IGF1R: variants seen among roughly 807,000 people sequenced by gnomAD.
IGF1R encodes the protein insulin-like growth factor 1 receptor.
IGF1R carries 44 observed loss-of-function variants against 144.6 expected under a neutral mutation model. The ratio of observed to expected loss-of-function variants is 0.30; its 90% CI spans 0.24 to 0.39. The LOEUF (loss-of-function observed/expected upper bound fraction) is 0.39, where lower values mean the gene tolerates loss of function less well. Among genes scored for constraint, IGF1R ranks in the 10% least tolerant of loss-of-function variants. The pLI is 1.00. For missense variants in IGF1R, 1,355 were observed against 1,833.7 expected (o/e 0.74, Z 4.77); for synonymous variants, 795 against 722.8 (o/e 1.10, Z -1.60).
At chr15:98,705,208 G>A (rs577684252) in intron 1 of IGF1R, among the ~76,000 whole-genome samples, 2 of 152,336 alleles carry the variant, frequency 1.3e-5, no homozygotes, top group African/African-American at 2.4e-5. Flanking sequence ...GCAGAGCAGT[G>A]TGGAATCAGG....
intron 2 of IGF1R, among the ~76,000 whole-genome samples, chr15:98,768,715 C>T (rs60284621): frequency 0.015 from 2,077 of 140,250 alleles, 52 homozygotes; most frequent in African/African-American, 0.053. Context: ...GTCAGGAGTT[C>T]GAGACCATCC....
chr15:98,769,476 CCA>C (rs1195810359), intron 2 of IGF1R, among the ~76,000 whole-genome samples: 1 of 152,188 alleles, frequency 6.6e-6, no homozygotes, highest in Non-Finnish European at 1.5e-5. Context: ...AGGCCTCAGT[CCA>C]ACAACAGTGC....
chr15:98,801,743 A>G (rs755888393), intron 2 of IGF1R, among the ~76,000 whole-genome samples: 19 of 152,032 alleles, frequency 1.2e-4, no homozygotes, highest in Non-Finnish European at 2.2e-4. Flanking sequence ...GAGGTTAAGA[A>G]CTCCCTCTTC....
At chr15:98,726,944 C>T (rs551460305) in intron 2 of IGF1R, among the ~76,000 whole-genome samples, 188 of 152,184 alleles carry the variant, frequency 1.2e-3, no homozygotes, top group African/African-American at 3.8e-3. Flanking sequence ...AGGTCTCGAA[C>T]TCCTGACCTC....
rs563563267 is a variant in IGF1R at position 98,656,710 on chromosome 15, C to A, written c.94+7035C>A. Among the ~76,000 whole-genome samples the A allele has an allele frequency of 2.6e-5, 4 of 152,184 alleles. No individual in the cohort carries two copies. In the East Asian group the frequency reaches 7.7e-4, roughly 29 times the overall value. On this transcript the variant is annotated intron_variant, in intron 1 of 20. Transcript: ENST00000650285. ...TTTGAAACTTTGTTTTATCTCACTC[C>A]TCAGTCTTAGCCCCCTTAATACCAT... is the stretch of plus-strand genomic sequence containing the variant.
At chr15:98,655,738 T>G (rs79452270) in intron 1 of IGF1R, among the ~76,000 whole-genome samples, 1 of 151,986 alleles carries the variant, frequency 6.6e-6, no homozygotes, top group Non-Finnish European at 1.5e-5. Flanking sequence ...TTTTTTTTTT[T>G]TGAGACAGGG....
At chr15:98,784,791 A>G (rs1180913504) in intron 2 of IGF1R, among the ~76,000 whole-genome samples, 1 of 152,200 alleles carries the variant, frequency 6.6e-6, no homozygotes, top group Non-Finnish European at 1.5e-5. Context: ...CAGCATTTGT[A>G]TTGGGTATTG....
rs547899057 is a variant in IGF1R at position 98,710,725 on chromosome 15, G to A, written c.640+2618G>A. On this transcript the variant is annotated intron_variant, in intron 2 of 20. Coordinates refer to ENST00000650285, the MANE Select transcript of IGF1R (RefSeq NM_000875.5). ...CTCATCACCCAGGCTGGAGTGCAGCGGCGCGATCTCGGCTCACTGCAACCT... is the reference window on the plus strand; with the variant it reads ...CTCATCACCCAGGCTGGAGTGCAGCAGCGCGATCTCGGCTCACTGCAACCT... 8.0e-5 allele frequency among the ~76,000 whole-genome samples: 12 copies of A among 149,572 alleles called. 1 individual carries two copies. Among genetic ancestry groups the A allele is most frequent in the African/African-American group, 1.2e-4 (5 of 40,462 alleles).
intron 2 of IGF1R, among the ~76,000 whole-genome samples, chr15:98,837,955 C>T (rs1262636878): frequency 1.3e-5 from 2 of 152,166 alleles, no homozygotes; most frequent in Non-Finnish European, 2.9e-5. Context: ...ATGCCTTGAC[C>T]ACAGTTGTGA....
At chr15:98,924,093 C>A in intron 12 of IGF1R, 81 bp downstream of exon 12, 1 of 1,348,956 alleles carries the variant, frequency 7.4e-7, no homozygotes, top group Non-Finnish European at 1.1e-6. Flanking sequence ...CAGGTTACCT[C>A]CTGGTTAGCA....
At chr15:98,685,781 C>A (rs964048294) in intron 1 of IGF1R, among the ~76,000 whole-genome samples, 1 of 152,212 alleles carries the variant, frequency 6.6e-6, no homozygotes, top group Admixed American at 6.5e-5. Flanking sequence ...ACCACTCCAC[C>A]GCAGGTAGCC....
At position 98,707,216 on chromosome 15, in the gene IGF1R, G is replaced by A. The variant is rs2053886936; in HGVS notation, c.95-346G>A. On this transcript the variant is annotated intron_variant, in intron 1 of 20. Coordinates refer to ENST00000650285, the MANE Select transcript of IGF1R (RefSeq NM_000875.5). The surrounding 1 kb of genome is among the most constrained non-coding windows in gnomAD (Gnocchi z 6.7). Reference sequence around the variant, plus strand: ...CAGAACGGACCAGGAGTGTGCGGTGGTGGAGTCCGGCTGGCCTGGGTTGCA... The same window carrying A: ...CAGAACGGACCAGGAGTGTGCGGTGATGGAGTCCGGCTGGCCTGGGTTGCA... 1.3e-5 allele frequency among the ~76,000 whole-genome samples: 2 copies of A among 152,206 alleles called. No individual in the cohort carries two copies. Among genetic ancestry groups the A allele is most frequent in the Admixed American group, 1.3e-4 (2 of 15,278 alleles).
At chr15:98,799,632 G>T (rs185665667) in intron 2 of IGF1R, among the ~76,000 whole-genome samples, 1 of 152,100 alleles carries the variant, frequency 6.6e-6, no homozygotes, top group African/African-American at 2.4e-5. Context: ...GGTGGGAGGC[G>T]GCCGGCATGG....
chr15:98,709,452 C>G (rs138821181), intron 2 of IGF1R, among the ~76,000 whole-genome samples: 1 of 152,348 alleles, frequency 6.6e-6, no homozygotes, highest in African/African-American at 2.4e-5. Context: ...AGAATGCAGT[C>G]AGGCCACTTT....
At chr15:98,878,928 G>A (rs2013223747) in intron 2 of IGF1R, among the ~76,000 whole-genome samples, 1 of 152,108 alleles carries the variant, frequency 6.6e-6, no homozygotes, top group African/African-American at 2.4e-5. Context: ...CCCGGGAGGT[G>A]GAGGTTGCAG....
At chr15:98,711,496 C>A (rs1021977809) in intron 2 of IGF1R, among the ~76,000 whole-genome samples, 5 of 152,152 alleles carry the variant, frequency 3.3e-5, no homozygotes, top group African/African-American at 1.2e-4. Context: ...GTTCTCTGCA[C>A]ACTTCTGTAT....
chr15:98,748,553 C>G (rs895167852), intron 2 of IGF1R, among the ~76,000 whole-genome samples: 1 of 152,176 alleles, frequency 6.6e-6, no homozygotes, highest in Non-Finnish European at 1.5e-5. Context: ...TGGAAATGAG[C>G]GTGCAAATCG....
At chr15:98,784,204 G>A (rs1274519493) in intron 2 of IGF1R, among the ~76,000 whole-genome samples, 1 of 151,736 alleles carries the variant, frequency 6.6e-6, no homozygotes, top group South Asian at 2.1e-4. Flanking sequence ...CAAAGTGCTG[G>A]GATTACAGGC....
Position 98,921,532 on chromosome 15 carries a change from A to G in IGF1R, c.2202-616A>G, listed in dbSNP as rs557725081. On this transcript the variant is annotated intron_variant, in intron 10 of 20. Coordinates refer to ENST00000650285, the MANE Select transcript of IGF1R (RefSeq NM_000875.5). Reference sequence around the variant, plus strand: ...GCCTGGGTGGGCTCCAGGGACCTGCAGAGTGTAGCAAGCACAGACGCTTGG... The same window carrying G: ...GCCTGGGTGGGCTCCAGGGACCTGCGGAGTGTAGCAAGCACAGACGCTTGG... 2.0e-5 allele frequency among the ~76,000 whole-genome samples: 3 copies of G among 152,236 alleles called. No homozygotes were observed. The South Asian group carries it at 6.2e-4, about 32-fold the overall frequency.
Sources: gnomAD v4.1 joint callset for allele counts (sites outside exome capture counted in the v4.1 genomes callset) on GRCh38, gnomAD v4.1.1 for gene constraint, Gnocchi (gnomAD v3.1) non-coding constraint, MANE v1.5 for transcripts, NCBI Gene and HGNC (gene_info 2026-07-23, HGNC 2026-07-21) for gene names.